The following UBE2K variants were observed in gnomAD, a reference collection of about 807,000 sequenced individuals.
UBE2K encodes ubiquitin conjugating enzyme E2 K.
In UBE2K, 6 loss-of-function variants were observed where a neutral mutation model predicts 30.0. That is an observed-to-expected ratio of 0.20 (90% CI 0.11 to 0.39). The LOEUF is 0.39. Among genes scored for constraint, UBE2K ranks in the 10% least tolerant of loss-of-function variants. The pLI is 1.00. For missense variants in UBE2K, 61 were observed against 241.6 expected (o/e 0.25, Z 4.96); for synonymous variants, 86 against 83.7 (o/e 1.03, Z -0.15).
At chr4:39,735,281 C>A (rs1364290313) in intron 1 of UBE2K, among the ~76,000 whole-genome samples, 1 of 152,244 alleles carries the variant, frequency 6.6e-6, no homozygotes, top group Non-Finnish European at 1.5e-5. Flanking sequence ...ACGATCTTGG[C>A]TCATTGCAAC....
intron 1 of UBE2K, among the ~76,000 whole-genome samples, chr4:39,711,218 A>C (rs1718656152): frequency 7.4e-6 from 1 of 134,352 alleles, no homozygotes. Flanking sequence ...GCTGGAGTGC[A>C]GTGGTGTGAT....
At chr4:39,727,486 C>T (rs528938343) in intron 1 of UBE2K, among the ~76,000 whole-genome samples, 19 of 152,206 alleles carry the variant, frequency 1.2e-4, no homozygotes, top group African/African-American at 3.9e-4. Context: ...TTCAGCCTCC[C>T]GCATTGCTGG....
intron 4 of UBE2K, among the ~76,000 whole-genome samples, chr4:39,772,783 G>A (rs1712988386): frequency 6.6e-6 from 1 of 151,460 alleles, no homozygotes; most frequent in South Asian, 2.1e-4. Context: ...CGCCTCCCGA[G>A]CTCAAGCGAT....
intron 4 of UBE2K, chr4:39,761,339 T>C (rs1302752119): frequency 6.6e-6 from 1 of 152,196 alleles, no homozygotes; most frequent in Non-Finnish European, 1.5e-5. Flanking sequence ...GCCATCCTCT[T>C]TAAGTAGCAT....
intron 1 of UBE2K, among the ~76,000 whole-genome samples, chr4:39,729,033 G>A (rs1719927208): frequency 7.1e-6 from 1 of 141,426 alleles, no homozygotes; most frequent in Admixed American, 7.3e-5. Context: ...CTGTGCTTCT[G>A]TCTCGGCTTA....
chr4:39,769,689 C>T lies in UBE2K; in HGVS notation c.300-5145C>T, dbSNP rs560575157. ...CTCCCTGTTCCCACCCACCCCCCCA[C>T]CCTTCTTATCTCGAGAAATGTCAGA... On this transcript the variant is annotated intron_variant, in intron 4 of 6. Transcript: ENST00000261427. 1.0e-3 allele frequency among the ~76,000 whole-genome samples: 142 copies of T among 138,158 alleles called. 1 individual carries two copies. Among genetic ancestry groups the T allele is most frequent in the African/African-American group, 3.6e-3 (135 of 37,092 alleles). 90.6% of individuals were successfully genotyped at this position (138,158 alleles called of 152,430 possible). A position where few individuals can be genotyped will look rare whatever the true frequency, so the allele number is the denominator to read the frequency against.
At chr4:39,762,936 C>CT (rs869207095) in intron 4 of UBE2K, among the ~76,000 whole-genome samples, 3,667 of 78,724 alleles carry the variant, frequency 0.047, 461 homozygotes, top group East Asian at 0.066. Flanking sequence ...CCAAAAAACA[C>CT]TTTTTTTTTT....
intron 3 of UBE2K, among the ~76,000 whole-genome samples, chr4:39,753,547 G>A (rs1377740870): frequency 6.6e-6 from 1 of 152,056 alleles, no homozygotes; most frequent in East Asian, 1.9e-4. Flanking sequence ...AGGGAAGACC[G>A]GACAAACAAG....
intron 1 of UBE2K, among the ~76,000 whole-genome samples, chr4:39,703,804 C>G (rs1393279543): frequency 6.9e-6 from 1 of 143,938 alleles, no homozygotes; most frequent in African/African-American, 2.5e-5. Flanking sequence ...CGAGATGGCA[C>G]CACTGCACTG....
rs1713594199 is a variant in UBE2K at position 39,781,256 on chromosome 4, A to G, written c.*2822A>G. ...TTTACTTAAACACGTAACACATTCA[A>G]GGATATATAAATGGAGTCTAAGTAT... On this transcript the variant is annotated 3_prime_UTR_variant, in exon 7 of 7. Coordinates refer to ENST00000261427, the MANE Select transcript of UBE2K (RefSeq NM_005339.5). The G allele has an allele frequency of 6.6e-6, 1 of 152,176 alleles. No individual in the cohort carries two copies. 9.4% of individuals were successfully genotyped at this position (152,176 alleles called of 1,614,324 possible).
rs1719035055 is a variant in UBE2K at position 39,715,923 on chromosome 4, A to C, written c.63+17533A>C. On this transcript the variant is annotated intron_variant, in intron 1 of 6. Coordinates refer to ENST00000261427, the MANE Select transcript of UBE2K (RefSeq NM_005339.5). ...ATTCATTTTCTTAACTTCTGTACTC[A>C]GGTTTCTCTCTCTACCATGTCATAC... is the stretch of plus-strand genomic sequence containing the variant. Among the ~76,000 whole-genome samples, 7 of 152,184 alleles carry C rather than the reference A, an allele frequency of 4.6e-5. No homozygotes were observed. In the South Asian group the frequency reaches 1.5e-3, roughly 32 times the overall value.
chr4:39,705,644 G>A (rs1392645146), intron 1 of UBE2K, among the ~76,000 whole-genome samples: 1 of 152,082 alleles, frequency 6.6e-6, no homozygotes, highest in Non-Finnish European at 1.5e-5. Flanking sequence ...AAATGCTATG[G>A]GATTCTAAAG....
At chr4:39,744,939 TAAATA>T (rs1287331949) in intron 2 of UBE2K, among the ~76,000 whole-genome samples, 1 of 149,820 alleles carries the variant, frequency 6.7e-6, no homozygotes, top group Non-Finnish European at 1.5e-5. Context: ...ATAAAATAAA[TAAATA>T]AATAAATAAA....
intron 2 of UBE2K, among the ~76,000 whole-genome samples, chr4:39,739,207 T>G (rs1720540217): frequency 6.7e-6 from 1 of 149,836 alleles, no homozygotes; most frequent in African/African-American, 2.5e-5. Flanking sequence ...TTTTTTGTAT[T>G]TTTTTAGTAG....
At chr4:39,776,914 A>G (rs903292537) in intron 5 of UBE2K, among the ~76,000 whole-genome samples, 1 of 152,190 alleles carries the variant, frequency 6.6e-6, no homozygotes, top group Admixed American at 6.5e-5. Context: ...AAATAGTTCA[A>G]TAATTTGACT....
chr4:39,705,333 T>C (rs1375409109), intron 1 of UBE2K, among the ~76,000 whole-genome samples: 1 of 150,170 alleles, frequency 6.7e-6, no homozygotes, highest in Non-Finnish European at 1.5e-5. Flanking sequence ...GAGTAGCTGG[T>C]ATTACAGGCG....
At chr4:39,767,309 T>TTTTG (rs572005753) in intron 4 of UBE2K, among the ~76,000 whole-genome samples, 4,058 of 150,930 alleles carry the variant, frequency 0.027, 93 homozygotes, top group African/African-American at 0.063. Context: ...GTTTTTTTTT[T>TTTTG]TGTGTGTGTG....
intron 4 of UBE2K, among the ~76,000 whole-genome samples, chr4:39,760,556 A>G (rs952864252): frequency 2.6e-5 from 4 of 152,202 alleles, no homozygotes; most frequent in African/African-American, 4.8e-5. Context: ...TACATACTGT[A>G]TGGTTCAATT....
At chr4:39,738,968 C>T (rs1436067269) in intron 2 of UBE2K, among the ~76,000 whole-genome samples, 1 of 151,920 alleles carries the variant, frequency 6.6e-6, no homozygotes, top group Non-Finnish European at 1.5e-5. Flanking sequence ...AGCCACCAAT[C>T]CCGGCCACCA....
Sources: allele counts gnomAD v4.1 joint callset (sites outside exome capture counted in the v4.1 genomes callset), GRCh38; gene constraint gnomAD v4.1.1; transcripts MANE v1.5; gene names NCBI Gene and HGNC (gene_info 2026-07-23, HGNC 2026-07-21).